The following DMD variants were observed in gnomAD, a reference collection of about 807,000 sequenced individuals.
The protein encoded by DMD is dystrophin.
Under a neutral mutation model 330.1 loss-of-function variants are expected in DMD, and 63 were observed. The observed-to-expected ratio is 0.19, with a 90% confidence interval of 0.16 to 0.24. The LOEUF (loss-of-function observed/expected upper bound fraction) is 0.24, where lower values mean the gene tolerates loss of function less well. DMD is among the 10% of genes least tolerant of loss of function. DMD has a pLI of 1.00. For synonymous variants in DMD, 1,223 were observed against 959.8 expected (o/e 1.27, Z -5.07); for missense variants, 3,344 against 2,684.1 (o/e 1.25, Z -5.43).
intron 43 of DMD, among the ~76,000 whole-genome samples, chrX:32,263,149 GAA>G (rs1481023564): frequency 8.9e-6 from 1 of 111,844 alleles, no homozygotes; most frequent in Non-Finnish European, 1.9e-5. Context: ...ATAACATTAT[GAA>G]AATGTACATC....
At chrX:32,554,687 G>A (rs1384485619) in intron 16 of DMD, among the ~76,000 whole-genome samples, 1 of 106,437 alleles carries the variant, frequency 9.4e-6, no homozygotes, top group Non-Finnish European at 1.9e-5. Context: ...TCTACTAGCG[G>A]TACAAAGAAG....
intron 43 of DMD, among the ~76,000 whole-genome samples, chrX:32,232,038 A>G (rs904606453): frequency 8.9e-6 from 1 of 111,809 alleles, no homozygotes; most frequent in Non-Finnish European, 1.9e-5. Flanking sequence ...TCCAAGTGGC[A>G]TTAACAGAAA....
intron 1 of DMD, among the ~76,000 whole-genome samples, chrX:33,261,373 A>G (rs2052952371): frequency 9.0e-6 from 1 of 110,661 alleles, no homozygotes; most frequent in Admixed American, 9.7e-5. Context: ...GCACCTCCAC[A>G]TATCAGACAC....
chrX:32,396,638 C>T (rs2098046408), intron 30 of DMD, among the ~76,000 whole-genome samples: 2 of 110,649 alleles, frequency 1.8e-5, no homozygotes, highest in South Asian at 7.5e-4. Context: ...GTGCATCATA[C>T]AAGTAGATTT....
chrX:32,201,874 G>A (rs17309233), intron 44 of DMD, among the ~76,000 whole-genome samples: 9,151 of 111,411 alleles, frequency 0.082, 401 homozygotes, highest in Admixed American at 0.13. Context: ...AAGTCAAAAG[G>A]TACAAATCCC....
At chrX:32,443,362 G>A (rs973950137) in intron 27 of DMD, among the ~76,000 whole-genome samples, 4 of 110,733 alleles carry the variant, frequency 3.6e-5, no homozygotes, top group African/African-American at 1.3e-4. Context: ...CTTATGTACA[G>A]TTTATTGCAA....
chrX:31,491,490 G>A (rs1397299996), intron 57 of DMD, among the ~76,000 whole-genome samples: 1 of 112,429 alleles, frequency 8.9e-6, no homozygotes, highest in African/African-American at 3.2e-5. Flanking sequence ...TAAAAGCCAG[G>A]ATAATGTATT....
At position 32,967,594 on chromosome X, in the gene DMD, CAGAG is replaced by C. The variant is rs1239695261; in HGVS notation, c.93+52541_93+52544del. On this transcript the variant is annotated intron_variant, in intron 2 of 78. Transcript: ENST00000357033. Reference sequence around the variant, plus strand: ...GCCTTCCCCGCAGTGGCAAACCCATCAGAGAAAGTCTTCAGGTGCACGCAATTAG... The same window carrying C: ...GCCTTCCCCGCAGTGGCAAACCCATCAAAGTCTTCAGGTGCACGCAATTAG... Among the ~76,000 whole-genome samples the C allele has an allele frequency of 2.7e-5, 3 of 111,359 alleles. No individual in the cohort carries two copies. In the Admixed American group the frequency reaches 2.9e-4, roughly 11 times the overall value.
chrX:32,322,395 C>T (rs2097622198), intron 41 of DMD, among the ~76,000 whole-genome samples: 1 of 110,132 alleles, frequency 9.1e-6, no homozygotes. Context: ...ATCATCTCTA[C>T]AAACAAATGT....
At chrX:32,697,391 G>A (rs986414746) in intron 9 of DMD, among the ~76,000 whole-genome samples, 3 of 111,686 alleles carry the variant, frequency 2.7e-5, no homozygotes, top group Non-Finnish European at 5.6e-5. Flanking sequence ...GAAGAAGCTT[G>A]CAGTTATATT....
At chrX:31,314,769 AGAGAGAGAGAGT>A (rs1437460744) in intron 62 of DMD, among the ~76,000 whole-genome samples, 1,296 of 108,095 alleles carry the variant, frequency 0.012, 21 homozygotes, top group African/African-American at 0.042. Flanking sequence ...AGAGAGAGAG[AGAGAGAGAGAGT>A]GTTTTACCGT....
intron 45 of DMD, among the ~76,000 whole-genome samples, chrX:31,953,605 G>T (rs2150112390): frequency 9.0e-6 from 1 of 111,194 alleles, no homozygotes; most frequent in African/African-American, 3.3e-5. Context: ...CTGATTCTTG[G>T]GGAGATTTAT....
chrX:32,435,942 C>G (rs2098259537), intron 29 of DMD, among the ~76,000 whole-genome samples: 1 of 111,924 alleles, frequency 8.9e-6, no homozygotes, highest in Admixed American at 9.5e-5. Flanking sequence ...AGGTAGTTTC[C>G]CACCATGTCC....
intron 59 of DMD, among the ~76,000 whole-genome samples, chrX:31,459,268 G>A (rs1015666874): frequency 1.4e-4 from 16 of 111,511 alleles, no homozygotes; most frequent in Admixed American, 2.9e-4. Flanking sequence ...TAGGCTTTAG[G>A]TTCACAACAA....
chrX:32,627,585 C>A (rs771908954), intron 11 of DMD, among the ~76,000 whole-genome samples: 3 of 111,178 alleles, frequency 2.7e-5, no homozygotes, highest in East Asian at 2.9e-4. Flanking sequence ...AAAACGCAAA[C>A]AAGGGAAGGT....
chrX:32,430,956 A>G (rs766168785), intron 29 of DMD, among the ~76,000 whole-genome samples: 1 of 111,411 alleles, frequency 9.0e-6, no homozygotes, highest in East Asian at 2.8e-4. Context: ...TTTTCCTTTC[A>G]CCTGTCAATG....
At chrX:32,972,143 G>A (rs1000736966) in intron 2 of DMD, among the ~76,000 whole-genome samples, 5 of 110,935 alleles carry the variant, frequency 4.5e-5, no homozygotes, top group Non-Finnish European at 9.4e-5. Context: ...TTACCATAAT[G>A]AAAAGCTGTG....
intron 26 of DMD, among the ~76,000 whole-genome samples, chrX:32,453,661 C>T (rs2098342944): frequency 9.0e-6 from 1 of 110,843 alleles, no homozygotes. Context: ...TTTCATCCCT[C>T]TAATGATTCT....
intron 18 of DMD, among the ~76,000 whole-genome samples, chrX:32,511,907 G>T (rs1455635801): frequency 9.0e-6 from 1 of 110,957 alleles, no homozygotes; most frequent in African/African-American, 3.3e-5. Context: ...GCCACTACTC[G>T]GATTCTAAAT....
Sources: allele counts gnomAD v4.1 joint callset (sites outside exome capture counted in the v4.1 genomes callset), GRCh38; gene constraint gnomAD v4.1.1; transcripts MANE v1.5; gene names NCBI Gene and HGNC (gene_info 2026-07-23, HGNC 2026-07-21).